The following CASP10 variants were observed in gnomAD, a reference collection of about 807,000 sequenced individuals.
CASP10 encodes the protein caspase 10, also known as caspase-10.
CASP10 carries 41 observed loss-of-function variants against 48.5 expected under a neutral mutation model. That is an observed-to-expected ratio of 0.85 (90% CI 0.66 to 1.10). CASP10 has a LOEUF of 1.10. Ranked by LOEUF, CASP10 falls within the 50% of genes least tolerant of loss-of-function variation. CASP10 has a pLI of 0.00. For synonymous variants in CASP10, 232 were observed against 238.4 expected (o/e 0.97, Z 0.25); for missense variants, 614 against 614.5 (o/e 1.00, Z 0.01).
intron 4 of CASP10, among the ~76,000 whole-genome samples, chr2:201,195,009 C>T (rs1223467681): frequency 1.3e-5 from 2 of 152,100 alleles, no homozygotes; most frequent in Admixed American, 6.6e-5. Flanking sequence ...GATCACCTGA[C>T]CTCATGATCA....
chr2:201,185,985 C>A lies in CASP10; in HGVS notation c.208C>A (p.Leu70Met). ...DVFEHLLAED[L>M]LSEEDPFFLA... ...TTTTGAACATCTCTTGGCAGAGGAT[C>A]TGCTGAGTGAGGAAGACCCTTTCTT... The change falls in exon 2 of 10, where the codon CTG (leucine) becomes ATG (methionine). Residue 70 changes from leucine (L) to methionine (M), a missense_variant. Leu to Met is a conservative substitution (Grantham distance 15). Transcript: ENST00000286186. 1 of 1,613,932 alleles carries A rather than the reference C, an allele frequency of 6.2e-7. No individual in the cohort carries two copies. Among genetic ancestry groups the A allele is most frequent in the Non-Finnish European group, 8.5e-7 (1 of 1,179,984 alleles).
rs1287358610 is a variant in CASP10, at chr2:201,220,844, G to A, written c.*3103G>A. 1.0e-6 allele frequency: 1 copy of A among 985,358 alleles called. No homozygotes were observed. The highest frequency in any genetic ancestry group is 1.2e-6 in the Non-Finnish European group (1 of 829,970). The allele number at this position is 985,358 out of a possible 1,614,324, so 61.0% of individuals were successfully genotyped here. On this transcript the variant is annotated 3_prime_UTR_variant, in exon 10 of 10. Coordinates refer to ENST00000286186, the MANE Select transcript of CASP10 (RefSeq NM_032977.4). ...TGGCAGAACTGACATGTGAAGGCAA[G>A]TGAAGGATGGTGAGATACTGAGGAA... is the stretch of plus-strand genomic sequence containing the variant.
intron 7 of CASP10, among the ~76,000 whole-genome samples, chr2:201,206,895 A>T (rs1376468597): frequency 6.6e-6 from 1 of 152,188 alleles, no homozygotes; most frequent in Non-Finnish European, 1.5e-5. Context: ...TCATGTTGCT[A>T]ATATGAAAGT....
At chr2:201,205,842 T>A (rs375582506) in intron 6 of CASP10, 40 bp from the exon 7 acceptor site, 1 of 1,178,848 alleles carries the variant, frequency 8.5e-7, no homozygotes, top group Non-Finnish European at 1.3e-6. Flanking sequence ...ATCTAAGTGC[T>A]TGGGGAAGAT....
chr2:201,222,071 G>A (rs1454188209), downstream of CASP10, among the ~76,000 whole-genome samples: 1 of 152,186 alleles, frequency 6.6e-6, no homozygotes, highest in East Asian at 1.9e-4. Context: ...ACAGCTATTT[G>A]ACAGTGGTGA....
chr2:201,203,931 G>A (rs1409287289), intron 6 of CASP10, among the ~76,000 whole-genome samples, 165 bp downstream of exon 6: 1 of 152,168 alleles, frequency 6.6e-6, no homozygotes, highest in Non-Finnish European at 1.5e-5. Flanking sequence ...TGCATGGATT[G>A]TACTAGGCTT....
intron 4 of CASP10, chr2:201,193,358 C>T (rs1245035210): frequency 7.6e-6 from 3 of 392,426 alleles, no homozygotes; most frequent in Non-Finnish European, 1.5e-5. Context: ...CAGGAGCCTG[C>T]CACCACGCCT....
At chr2:201,196,509 C>G (rs1944801602) in intron 5 of CASP10, among the ~76,000 whole-genome samples, 1 of 152,152 alleles carries the variant, frequency 6.6e-6, no homozygotes, top group African/African-American at 2.4e-5. Context: ...AATTTGCAGT[C>G]TGTTCCTCAC....
At chr2:201,215,211 G>GTTTTTTTTTTTTTTTTTTTTTTTTTTT (rs10616229) in intron 9 of CASP10, among the ~76,000 whole-genome samples, 4 of 29,884 alleles carry the variant, frequency 1.3e-4, no homozygotes, top group African/African-American at 2.3e-4. Context: ...TCTTCCCTCG[G>GTTTTTTTTTTTTTTTTTTTTTTTTTTT]TTTTTTTTTT....
chr2:201,207,994 G>C, intron 7 of CASP10, 81 bp from the exon 8 acceptor site: 1 of 893,234 alleles, frequency 1.1e-6, no homozygotes, highest in South Asian at 1.3e-5. Flanking sequence ...CCTCACAGTG[G>C]ATCCATTGGA....
At chr2:201,191,027 A>G (rs563384275) in intron 3 of CASP10, among the ~76,000 whole-genome samples, 1 of 151,856 alleles carries the variant, frequency 6.6e-6, no homozygotes, top group Non-Finnish European at 1.5e-5. Flanking sequence ...ACACCCAGCT[A>G]ATTTTTGTAT....
At chr2:201,201,028 G>A (rs1289761784) in intron 5 of CASP10, among the ~76,000 whole-genome samples, 1 of 151,758 alleles carries the variant, frequency 6.6e-6, no homozygotes, top group Non-Finnish European at 1.5e-5. Flanking sequence ...CCACCTCCCC[G>A]CTCCCCCAGA....
At chr2:201,188,364 C>T (rs1019449790) in intron 3 of CASP10, among the ~76,000 whole-genome samples, 1 of 151,850 alleles carries the variant, frequency 6.6e-6, no homozygotes, top group Admixed American at 6.6e-5. Context: ...ATTTTTAGTA[C>T]AGACAGGGTT....
At chr2:201,188,229 G>C (rs1013286581) in intron 3 of CASP10, among the ~76,000 whole-genome samples, 1 of 152,072 alleles carries the variant, frequency 6.6e-6, no homozygotes, top group Non-Finnish European at 1.5e-5. Context: ...GCCCAGGCTG[G>C]AGTGCAGTGG....
At chr2:201,212,124 T>G (rs1295846063) in intron 9 of CASP10, among the ~76,000 whole-genome samples, 3 of 152,140 alleles carry the variant, frequency 2.0e-5, no homozygotes, top group Admixed American at 2.0e-4. Flanking sequence ...AATTTTTGTA[T>G]TTTTAGTAGA....
intron 6 of CASP10, among the ~76,000 whole-genome samples, chr2:201,205,583 G>A (rs1433584025): frequency 6.6e-6 from 1 of 152,014 alleles, no homozygotes; most frequent in East Asian, 1.9e-4. Context: ...TTTATATCCA[G>A]TGACATAAAT....
At chr2:201,229,230 C>A in exon 10 of CASP10, 3 of 881,024 alleles carry the variant, frequency 3.4e-6, no homozygotes, top group Non-Finnish European at 3.8e-6. Context: ...TGGCACTCTT[C>A]TGTTCCCTTA....
In CASP10 at chr2:201,217,813, A is replaced by G; in HGVS notation, c.*72A>G. The G allele has an allele frequency of 6.2e-7, 1 of 1,612,718 alleles. No homozygotes were observed. Among genetic ancestry groups the G allele is most frequent in the Non-Finnish European group, 8.5e-7 (1 of 1,179,218 alleles). On this transcript the variant is annotated 3_prime_UTR_variant, in exon 10 of 10. Transcript: ENST00000286186. ...TAACCTCCAGCCTCCTGCCCAGCAC[A>G]GGAATCGGTGGTCTCCACCTGTCAT...
intron 9 of CASP10, among the ~76,000 whole-genome samples, chr2:201,226,826 C>T (rs1180302601): frequency 6.6e-6 from 1 of 151,976 alleles, no homozygotes; most frequent in East Asian, 1.9e-4. Flanking sequence ...TTAGGCTGAA[C>T]CATATGAAAT....
Sources: gnomAD v4.1 joint callset for allele counts (sites outside exome capture counted in the v4.1 genomes callset) on GRCh38, gnomAD v4.1.1 for gene constraint, MANE v1.5 for transcripts, NCBI Gene and HGNC (gene_info 2026-07-23, HGNC 2026-07-21) for gene names.